Variants in CPB2 observed in about 807,000 individuals in gnomAD.
CPB2 encodes carboxypeptidase B2.
A neutral mutation model predicts 57.0 loss-of-function variants in CPB2; 54 were observed. The observed-to-expected ratio is 0.95, with a 90% CI of 0.76 to 1.19. CPB2 has a LOEUF of 1.19. Among genes scored for constraint, CPB2 ranks in the 50% most tolerant of loss-of-function variants. The probability of loss-of-function intolerance (pLI) is 0.00; values close to 1 mark genes in which losing one functional copy is unlikely to be tolerated. For missense variants in CPB2, 426 were observed against 512.0 expected (o/e 0.83, Z 1.62); for synonymous variants, 189 against 178.1 (o/e 1.06, Z -0.49).
At chr13:46,073,699 C>G (rs1190835920) in intron 6 of CPB2, among the ~76,000 whole-genome samples, 174 bp downstream of exon 6, 2 of 150,738 alleles carry the variant, frequency 1.3e-5, no homozygotes, top group African/African-American at 4.9e-5. Context: ...AAGTCATGTT[C>G]TTCAACTTAC....
chr13:46,102,241 A>G (rs532437214), intron 1 of CPB2, among the ~76,000 whole-genome samples: 1 of 152,272 alleles, frequency 6.6e-6, no homozygotes, highest in South Asian at 2.1e-4. Context: ...CCTCTTTCCA[A>G]ATAGTCTGGG....
chr13:46,103,860 A>C (rs531861091), intron 1 of CPB2, among the ~76,000 whole-genome samples: 4 of 152,234 alleles, frequency 2.6e-5, no homozygotes, highest in Non-Finnish European at 5.9e-5. Context: ...CACCGATAAA[A>C]TACAGAGAAA....
intron 10 of CPB2, among the ~76,000 whole-genome samples, chr13:46,054,564 T>C (rs2044664589): frequency 6.6e-6 from 1 of 152,130 alleles, no homozygotes; most frequent in Non-Finnish European, 1.5e-5. Context: ...TCTGACTTTT[T>C]TTGGGGGGGT....
intron 2 of CPB2, among the ~76,000 whole-genome samples, chr13:46,084,566 G>A (rs1326291061): frequency 6.6e-6 from 1 of 151,002 alleles, no homozygotes; most frequent in African/African-American, 2.4e-5. Context: ...TAAAATAAAA[G>A]GGCCTGGAAT....
At chr13:46,088,704 T>C (rs1256628889) in intron 1 of CPB2, among the ~76,000 whole-genome samples, 3 of 152,226 alleles carry the variant, frequency 2.0e-5, no homozygotes, top group African/African-American at 7.2e-5. Flanking sequence ...AATCAAATTT[T>C]TATGAAATGA....
chr13:46,077,359 T>TA (rs1363561423), intron 5 of CPB2, among the ~76,000 whole-genome samples: 2 of 152,110 alleles, frequency 1.3e-5, no homozygotes, highest in Non-Finnish European at 2.9e-5. Context: ...AAATGTGAAT[T>TA]AAAACCACAA....
chr13:46,074,322 T>G (rs2044988695), intron 5 of CPB2, among the ~76,000 whole-genome samples: 1 of 152,224 alleles, frequency 6.6e-6, no homozygotes, highest in African/African-American at 2.4e-5. Context: ...ATCTTCATGC[T>G]TCATTTAGAG....
In CPB2 at chr13:46,078,827, A is replaced by T; in HGVS notation, c.459T>A (p.Phe153Leu). ...TTAAAACATAGAGTGGGTACTTCTCAAATGAGGATCCAATGTGGATTTTTG... is the reference window on the plus strand; with the variant it reads ...TTAAAACATAGAGTGGGTACTTCTCTAATGAGGATCCAATGTGGATTTTTG... ...MLTKIHIGSS[F>L]EKYPLYVLKV... is the part of the protein sequence containing the mutation. Residue 153 changes from phenylalanine to leucine, a missense_variant, in exon 5 of 11, where the codon TTT (phenylalanine) becomes TTA (leucine). By Grantham distance (22) the Phe-to-Leu change is conservative. Transcript: ENST00000181383. 6.2e-7 allele frequency: 1 copy of T among 1,611,174 alleles called. No homozygotes were observed. The highest frequency in any genetic ancestry group is 8.5e-7 in the Non-Finnish European group (1 of 1,177,570).
intron 1 of CPB2, among the ~76,000 whole-genome samples, chr13:46,104,664 T>C (rs113192825): frequency 1.2e-3 from 180 of 152,360 alleles, no homozygotes; most frequent in African/African-American, 4.1e-3. Context: ...AAAGATTTAA[T>C]TTCTTGAATC....
At chr13:46,070,662 AT>A (rs747152282) in intron 6 of CPB2, among the ~76,000 whole-genome samples, 12 of 152,214 alleles carry the variant, frequency 7.9e-5, no homozygotes, top group Admixed American at 1.3e-4. Context: ...CTAAAAAAAA[AT>A]ATAAGACACA....
chr13:46,081,087 T>A (rs2045109242), intron 4 of CPB2, among the ~76,000 whole-genome samples: 1 of 151,926 alleles, frequency 6.6e-6, no homozygotes, highest in South Asian at 2.1e-4. Flanking sequence ...ACTGACACCT[T>A]GATCTTCTAG....
Position 46,081,458 on chromosome 13 carries a change from T to C in CPB2, c.384+983A>G, listed in dbSNP as rs17844201. The stretch of plus-strand genomic sequence containing the variant: ...GATGCTGGAGAGAGGTGGTCTAAGT[T>C]GGATAGATGTAGGAGAGATTAAAAA... On this transcript the variant is annotated intron_variant, in intron 4 of 10. Transcript: ENST00000181383. 2.4e-3 allele frequency among the ~76,000 whole-genome samples: 369 copies of C among 152,036 alleles called. 2 individuals carry two copies. The highest frequency in any genetic ancestry group is 8.0e-3 in the African/African-American group (333 of 41,460).
intron 4 of CPB2, 140 bp from the exon 5 acceptor site, chr13:46,079,041 G>A (rs2045067071): frequency 1.7e-6 from 1 of 587,968 alleles, no homozygotes; most frequent in Middle Eastern, 2.6e-4. Context: ...TTAGGGCAGG[G>A]TGTTTCTTCT....
chr13:46,087,712 A>C (rs754395816), intron 2 of CPB2, 33 bp downstream of exon 2: 1 of 1,467,096 alleles, frequency 6.8e-7, no homozygotes, highest in South Asian at 1.2e-5. Context: ...TACAAAGTGA[A>C]ACCAATATAA....
intron 10 of CPB2, among the ~76,000 whole-genome samples, chr13:46,054,759 G>C (rs1293692131): frequency 6.6e-6 from 1 of 151,284 alleles, no homozygotes; most frequent in Admixed American, 6.6e-5. Context: ...ATACAGTTTC[G>C]ACCTTTTTTG....
In CPB2 at chr13:46,072,047, G is replaced by A. The variant is rs549022504; in HGVS notation, c.591+1826C>T. Among the ~76,000 whole-genome samples the A allele has an allele frequency of 7.2e-5, 11 of 152,296 alleles. No individual in the cohort carries two copies. In the South Asian group the frequency reaches 2.3e-3, roughly 32 times the overall value. Reference sequence around the variant, plus strand: ...GCCCTGTGCCGGATTTTGGCTTGGTGATGCAGTCATGCACAAATTGGTCTC... The same window carrying A: ...GCCCTGTGCCGGATTTTGGCTTGGTAATGCAGTCATGCACAAATTGGTCTC... On this transcript the variant is annotated intron_variant, in intron 6 of 10. Coordinates refer to ENST00000181383, the MANE Select transcript of CPB2 (RefSeq NM_001872.5).
In CPB2 at chr13:46,087,827, A is replaced by G. The variant is rs1224148068; in HGVS notation, c.75-7T>C. The G allele has an allele frequency of 1.3e-6, 2 of 1,581,742 alleles. No individual in the cohort carries two copies. The highest frequency in any genetic ancestry group is 2.2e-5 in the East Asian group (1 of 44,694). On this transcript the variant is annotated splice_polypyrimidine_tract_variant and splice_region_variant and intron_variant, in intron 1 of 10. Coordinates refer to ENST00000181383, the MANE Select transcript of CPB2 (RefSeq NM_001872.5). ...AGCAGCTAGAACTTGGCCACTGGGG[A>G]AAAAAATAAAAGAGGATTTTGATAT...
intron 6 of CPB2, among the ~76,000 whole-genome samples, chr13:46,072,831 C>T (rs2044963533): frequency 6.6e-6 from 1 of 152,180 alleles, no homozygotes; most frequent in Non-Finnish European, 1.5e-5. Context: ...CTGCTGCTCC[C>T]TTCACTACCT....
intron 5 of CPB2, among the ~76,000 whole-genome samples, chr13:46,075,482 G>T (rs777052548): frequency 1.3e-5 from 2 of 152,208 alleles, no homozygotes; most frequent in African/African-American, 2.4e-5. Flanking sequence ...ACGTGTACAG[G>T]TTCCAGATAA....
Sources: gnomAD v4.1 joint callset for allele counts (sites outside exome capture counted in the v4.1 genomes callset) on GRCh38, gnomAD v4.1.1 for gene constraint, MANE v1.5 for transcripts, NCBI Gene and HGNC (gene_info 2026-07-23, HGNC 2026-07-21) for gene names.